CNTN5: variants seen among roughly 807,000 people sequenced by gnomAD.
CNTN5 encodes contactin 5.
Under a neutral mutation model 129.1 loss-of-function variants are expected in CNTN5, and 77 were observed. The ratio of observed to expected loss-of-function variants is 0.60; its 90% CI spans 0.50 to 0.72. The LOEUF is 0.72. CNTN5 is among the 30% of genes least tolerant of loss of function. CNTN5 has a pLI of 0.00. For missense variants in CNTN5, 1,478 were observed against 1,328.8 expected (o/e 1.11, Z -1.75); for synonymous variants, 509 against 465.6 (o/e 1.09, Z -1.20).
chr11:99,971,622 G>A (rs904495276), intron 8 of CNTN5, among the ~76,000 whole-genome samples: 4 of 151,546 alleles, frequency 2.6e-5, no homozygotes, highest in African/African-American at 7.3e-5. Flanking sequence ...GATCTCTAAA[G>A]ACTATGTCAT....
At chr11:99,871,907 C>T (rs1339612732) in intron 6 of CNTN5, among the ~76,000 whole-genome samples, 1 of 151,196 alleles carries the variant, frequency 6.6e-6, no homozygotes, top group East Asian at 1.9e-4. Context: ...TGGCTATATG[C>T]ATTCTTTATA....
In CNTN5 at chr11:100,085,749, C is replaced by T. The variant is rs116258410; in HGVS notation, c.1580+11455C>T. 6.7e-3 allele frequency among the ~76,000 whole-genome samples: 1,021 copies of T among 152,182 alleles called. 12 individuals carry two copies. The highest frequency in any genetic ancestry group is 0.023 in the African/African-American group (972 of 41,556). ...CATAGAGAGACTGCCTAAGCACACA[C>T]ACTCGTAACAAGTAACAGAGCCAAA... On this transcript the variant is annotated intron_variant, in intron 13 of 24. Transcript: ENST00000524871.
intron 13 of CNTN5, among the ~76,000 whole-genome samples, chr11:100,082,768 C>A (rs1045840619): frequency 1.3e-5 from 2 of 152,118 alleles, no homozygotes; most frequent in African/African-American, 4.8e-5. Context: ...TAATTGTTCA[C>A]AGGTTATCTC....
At chr11:100,026,066 T>G (rs1240012413) in intron 9 of CNTN5, among the ~76,000 whole-genome samples, 3 of 152,166 alleles carry the variant, frequency 2.0e-5, no homozygotes, top group Non-Finnish European at 4.4e-5. Flanking sequence ...CCCACCCAAA[T>G]CTCCTCTTTA....
chr11:100,268,803 C>G (rs1394889095), intron 17 of CNTN5, among the ~76,000 whole-genome samples: 2 of 152,042 alleles, frequency 1.3e-5, no homozygotes, highest in African/African-American at 4.8e-5. Context: ...TGGAGTGAGA[C>G]AGGGGAGAAA....
chr11:99,943,561 G>A (rs73553328), intron 7 of CNTN5, among the ~76,000 whole-genome samples: 2,709 of 152,054 alleles, frequency 0.018, 58 homozygotes, highest in Admixed American at 0.053. Context: ...GTCAGTGTTC[G>A]CTTTCGTTGC....
At chr11:100,235,268 T>G (rs1297658593) in intron 16 of CNTN5, among the ~76,000 whole-genome samples, 1 of 152,206 alleles carries the variant, frequency 6.6e-6, no homozygotes, top group African/African-American at 2.4e-5. Flanking sequence ...TCACCTAGAC[T>G]GCTTTGGCGT....
intron 3 of CNTN5, among the ~76,000 whole-genome samples, chr11:99,677,793 G>A (rs75092610): frequency 0.047 from 7,204 of 151,966 alleles, 554 homozygotes; most frequent in African/African-American, 0.16. Context: ...AAACATTTTC[G>A]TACTGATTTT....
rs75638180 is a variant in CNTN5 at position 99,927,858 on chromosome 11, T to A, written c.673+11709T>A. Among the ~76,000 whole-genome samples, 3,307 of 152,236 alleles carry A rather than the reference T, an allele frequency of 0.022. 190 individuals carry two copies. The East Asian group carries it at 0.22, about 10-fold the overall frequency. On this transcript the variant is annotated intron_variant, in intron 7 of 24. Coordinates refer to ENST00000524871, the MANE Select transcript of CNTN5 (RefSeq NM_014361.4). ...CCCTTCTAACAGTCCCCAAAAATCT[T>A]AACTAATTCTGGCATTAACTCAAAA...
intron 9 of CNTN5, among the ~76,000 whole-genome samples, chr11:100,048,407 T>C (rs1194501114): frequency 6.6e-6 from 1 of 152,134 alleles, no homozygotes; most frequent in African/African-American, 2.4e-5. Context: ...ACCTCTATAA[T>C]TGTGTGAGCC....
At chr11:99,606,936 C>A (rs1274641421) in intron 3 of CNTN5, among the ~76,000 whole-genome samples, 2 of 128,472 alleles carry the variant, frequency 1.6e-5, no homozygotes, top group African/African-American at 5.8e-5. Context: ...ACACCTTATA[C>A]AAAAATCAAT....
At chr11:99,709,301 G>A (rs1954877171) in intron 3 of CNTN5, among the ~76,000 whole-genome samples, 1 of 151,702 alleles carries the variant, frequency 6.6e-6, no homozygotes, top group Admixed American at 6.6e-5. Context: ...AACATCTACT[G>A]TATGATTGCC....
chr11:99,489,438 C>G (rs887978452), intron 2 of CNTN5, among the ~76,000 whole-genome samples: 2 of 152,120 alleles, frequency 1.3e-5, no homozygotes, highest in African/African-American at 4.8e-5. Context: ...TTTACAGCAC[C>G]AGGCTTACTC....
chr11:99,692,820 T>TG (rs1954096140), intron 3 of CNTN5, among the ~76,000 whole-genome samples: 1 of 152,160 alleles, frequency 6.6e-6, no homozygotes, highest in Non-Finnish European at 1.5e-5. Context: ...TGATTGACTA[T>TG]AGTATACCCT....
chr11:100,181,008 A>G (rs1948124567), intron 13 of CNTN5, among the ~76,000 whole-genome samples: 1 of 151,998 alleles, frequency 6.6e-6, no homozygotes, highest in Non-Finnish European at 1.5e-5. Flanking sequence ...TTCTTACGAA[A>G]CTACATATGC....
chr11:99,943,079 T>G (rs1327150226), intron 7 of CNTN5, among the ~76,000 whole-genome samples: 1 of 152,134 alleles, frequency 6.6e-6, no homozygotes, highest in Non-Finnish European at 1.5e-5. Context: ...TCAAATTGAG[T>G]ATCTGGTTCT....
chr11:100,337,362 A>C, intron 21 of CNTN5: 1 of 822,252 alleles, frequency 1.2e-6, no homozygotes, highest in East Asian at 2.4e-5. Flanking sequence ...ATGATCACAA[A>C]GCGAACAGCC....
intron 1 of CNTN5, among the ~76,000 whole-genome samples, chr11:99,277,984 C>G (rs1009872054): frequency 6.6e-6 from 1 of 151,628 alleles, no homozygotes; most frequent in Non-Finnish European, 1.5e-5. Context: ...TTTTCATAGA[C>G]AGGTATAGAC....
chr11:99,589,083 A>G (rs1053161852), intron 3 of CNTN5, among the ~76,000 whole-genome samples: 14 of 152,198 alleles, frequency 9.2e-5, no homozygotes, highest in Non-Finnish European at 2.1e-4. Flanking sequence ...AAACATGAAC[A>G]TGTTGTGAAA....
Sources: gnomAD v4.1 joint callset for allele counts (sites outside exome capture counted in the v4.1 genomes callset) on GRCh38, gnomAD v4.1.1 for gene constraint, MANE v1.5 for transcripts, NCBI Gene and HGNC (gene_info 2026-07-23, HGNC 2026-07-21) for gene names.